MALL: variants seen among roughly 807,000 people sequenced by gnomAD.
The protein encoded by MALL is mal, T cell differentiation protein like.
A neutral mutation model predicts 10.3 loss-of-function variants in MALL; 2 were observed. The observed-to-expected ratio is 0.19, with a 90% CI of 0.08 to 0.61. The LOEUF (loss-of-function observed/expected upper bound fraction) is 0.61. MALL is among the 20% of genes least tolerant of loss of function. The probability of loss-of-function intolerance (pLI) is 0.88; values close to 1 mark genes in which losing one functional copy is unlikely to be tolerated. For missense variants in MALL, 39 were observed against 115.2 expected, an observed-to-expected ratio of 0.34 and a Z score of 3.03; for synonymous variants, 27 against 51.8, an observed-to-expected ratio of 0.52 and a Z score of 2.05.
At chr2:110,113,471 G>A (rs1352487297) in intron 1 of MALL, among the ~76,000 whole-genome samples, 2 of 139,806 alleles carry the variant, frequency 1.4e-5, no homozygotes, top group Non-Finnish European at 3.1e-5. Flanking sequence ...GACTACAAAT[G>A]TAGTGCAGTG....
chr2:110,115,627 T>G, intron 1 of MALL, 61 bp downstream of exon 1: 1 of 964,018 alleles, frequency 1.0e-6, no homozygotes, highest in Non-Finnish European at 1.4e-6. Flanking sequence ...CCGGTCTGGG[T>G]CCGAGGCCGG....
chr2:110,095,935 A>G (rs1678431425), intron 1 of MALL, among the ~76,000 whole-genome samples: 1 of 152,220 alleles, frequency 6.6e-6, no homozygotes, highest in South Asian at 2.1e-4. Flanking sequence ...GAATGCATCA[A>G]CTAAGGTAAA....
chr2:110,106,210 C>T (rs1382373989), intron 1 of MALL, among the ~76,000 whole-genome samples: 1 of 152,180 alleles, frequency 6.6e-6, no homozygotes, highest in African/African-American at 2.4e-5. Flanking sequence ...GAGTCATAGT[C>T]ATAAAGCATT....
intron 1 of MALL, among the ~76,000 whole-genome samples, chr2:110,105,931 G>A (rs1678677861): frequency 6.6e-6 from 1 of 152,168 alleles, no homozygotes; most frequent in Non-Finnish European, 1.5e-5. Flanking sequence ...GAATGAAGGT[G>A]GTACTGGCCA....
chr2:110,102,728 G>A (rs1018590986), intron 1 of MALL, among the ~76,000 whole-genome samples: 1 of 152,086 alleles, frequency 6.6e-6, no homozygotes, highest in Non-Finnish European at 1.5e-5. Context: ...CACCTCCCAG[G>A]CCCCAGAAAT....
intron 1 of MALL, among the ~76,000 whole-genome samples, chr2:110,111,184 C>T (rs1678795206): frequency 6.6e-6 from 1 of 152,108 alleles, no homozygotes; most frequent in East Asian, 1.9e-4. Flanking sequence ...ACTCTCACCA[C>T]TCCTCTTCAC....
rs1016407894 is a variant in MALL, at chr2:110,100,706, C to T, written c.106-8936G>A. Among the ~76,000 whole-genome samples the T allele has an allele frequency of 3.3e-5, 5 of 152,188 alleles. 1 individual carries two copies. The highest frequency in any genetic ancestry group is 2.9e-5 in the Non-Finnish European group (2 of 68,022). ...TGCCCACCCCTGGACCATTCCTCCC[C>T]TTCACAGCACTGTCCCATGGGTAGG... On this transcript the variant is annotated intron_variant, in intron 1 of 3. Transcript: ENST00000272462.
At chr2:110,113,200 G>A (rs1678842530) in intron 1 of MALL, among the ~76,000 whole-genome samples, 1 of 151,558 alleles carries the variant, frequency 6.6e-6, no homozygotes, top group African/African-American at 2.4e-5. Flanking sequence ...CACTTTGGGA[G>A]GCCGAGGCAG....
chr2:110,110,848 T>C (rs879488055), intron 1 of MALL, among the ~76,000 whole-genome samples: 15 of 152,066 alleles, frequency 9.9e-5, no homozygotes, highest in African/African-American at 1.4e-4. Context: ...AATCCAACAA[T>C]GTATCAAAAA....
chr2:110,098,607 C>T (rs755015652), intron 1 of MALL, among the ~76,000 whole-genome samples: 23 of 152,202 alleles, frequency 1.5e-4, no homozygotes, highest in Non-Finnish European at 3.2e-4. Flanking sequence ...GGTTTATCCA[C>T]TCATTTGCTT....
intron 1 of MALL, among the ~76,000 whole-genome samples, chr2:110,101,672 C>G (rs750641272): frequency 1.3e-5 from 2 of 152,132 alleles, no homozygotes; most frequent in African/African-American, 2.4e-5. Flanking sequence ...CCAGGCATCC[C>G]CATTCCTGCT....
At chr2:110,103,009 G>A (rs1678608099) in intron 1 of MALL, among the ~76,000 whole-genome samples, 1 of 152,164 alleles carries the variant, frequency 6.6e-6, no homozygotes, top group Admixed American at 6.5e-5. Context: ...GGGTATCTGT[G>A]AATAGTGCTG....
At chr2:110,105,728 A>G (rs950139910) in intron 1 of MALL, among the ~76,000 whole-genome samples, 1 of 152,202 alleles carries the variant, frequency 6.6e-6, no homozygotes, top group African/African-American at 2.4e-5. Flanking sequence ...CTTCTAAGGC[A>G]CAGTTGGAAG....
At chr2:110,104,047 A>G (rs937732881) in intron 1 of MALL, among the ~76,000 whole-genome samples, 2 of 151,454 alleles carry the variant, frequency 1.3e-5, no homozygotes, top group Non-Finnish European at 3.0e-5. Flanking sequence ...TTGTCTCTCC[A>G]GAATCAGCAG....
chr2:110,104,475 C>T (rs2104388318), intron 1 of MALL, among the ~76,000 whole-genome samples: 1 of 152,274 alleles, frequency 6.6e-6, no homozygotes, highest in Admixed American at 6.5e-5. Context: ...TTTGTATCGC[C>T]AGTGCTTGGC....
chr2:110,103,042 G>T (rs190643101), intron 1 of MALL, among the ~76,000 whole-genome samples: 1 of 152,284 alleles, frequency 6.6e-6, no homozygotes, highest in East Asian at 1.9e-4. Context: ...AAAGCTCAAA[G>T]AATCCAGTCT....
chr2:110,098,744 C>A (rs567865839), intron 1 of MALL, among the ~76,000 whole-genome samples: 3 of 152,154 alleles, frequency 2.0e-5, no homozygotes, highest in Admixed American at 1.3e-4. Flanking sequence ...GTGGCTCACA[C>A]CTGTAATCCC....
At chr2:110,115,415 T>C (rs919446994) in intron 1 of MALL, among the ~76,000 whole-genome samples, 2 of 151,826 alleles carry the variant, frequency 1.3e-5, no homozygotes, top group South Asian at 2.1e-4. Context: ...TGAGTACAGC[T>C]GCGCCCCGCT....
chr2:110,095,149 A>C (rs1319599814), intron 1 of MALL, among the ~76,000 whole-genome samples: 1 of 152,020 alleles, frequency 6.6e-6, no homozygotes, highest in Non-Finnish European at 1.5e-5. Flanking sequence ...CAAGTAGTCT[A>C]GGTTGGATTC....
Sources: gnomAD v4.1 joint callset for allele counts (sites outside exome capture counted in the v4.1 genomes callset) on GRCh38, gnomAD v4.1.1 for gene constraint, MANE v1.5 for transcripts, NCBI Gene and HGNC (gene_info 2026-07-23, HGNC 2026-07-21) for gene names.